Variants in NCAM2 observed in about 807,000 individuals in gnomAD.
The protein encoded by NCAM2 is N-CAM-2.
Under a neutral mutation model 98.1 loss-of-function variants are expected in NCAM2, and 30 were observed. The ratio of observed to expected loss-of-function variants is 0.31; its 90% CI spans 0.23 to 0.41. The LOEUF is 0.41. NCAM2 is among the 10% of genes least tolerant of loss of function. The pLI is 1.00. For synonymous variants in NCAM2, 368 were observed against 342.4 expected, an observed-to-expected ratio of 1.07 and a Z score of -0.83; for missense variants, 867 against 1,005.8, an observed-to-expected ratio of 0.86 and a Z score of 1.87.
chr21:21,311,288 G>A (rs182526348), intron 5 of NCAM2, among the ~76,000 whole-genome samples: 28 of 150,712 alleles, frequency 1.9e-4, no homozygotes, highest in Non-Finnish European at 2.5e-4. Context: ...ATGAATGAAC[G>A]AATAACAAAA....
At chr21:21,382,169 T>G (rs561848146) in intron 9 of NCAM2, among the ~76,000 whole-genome samples, 2 of 152,288 alleles carry the variant, frequency 1.3e-5, no homozygotes, top group Admixed American at 6.5e-5. Flanking sequence ...GTCTAAGTAT[T>G]GTTTTCTTTG....
chr21:21,275,236 T>G (rs900209317), intron 1 of NCAM2, among the ~76,000 whole-genome samples: 1 of 151,712 alleles, frequency 6.6e-6, no homozygotes, highest in East Asian at 1.9e-4. Context: ...GTCAGGAGAT[T>G]GAGACCATCC....
intron 1 of NCAM2, among the ~76,000 whole-genome samples, chr21:21,183,406 A>G (rs2068541052): frequency 6.6e-6 from 1 of 152,144 alleles, no homozygotes; most frequent in Admixed American, 6.6e-5. Flanking sequence ...AGAAACAAGC[A>G]GATCTGTCTT....
rs371793861 is a variant in NCAM2, at chr21:21,292,160, G to T, written c.538G>T (p.Asp180Tyr). 130 of 1,611,042 alleles carry T rather than the reference G, an allele frequency of 8.1e-5. No individual in the cohort carries two copies. The African/African-American group carries it at 1.5e-3, about 19-fold the overall frequency. Residue 180 changes from aspartate to tyrosine, a missense_variant, in exon 5 of 18, where the codon GAT becomes TAT. Coordinates refer to ENST00000400546, the MANE Select transcript of NCAM2 (RefSeq NM_004540.5). ...NLQILNINKS[D>Y]EGIYRCEGRV... ...GCAGATTCTCAACATCAATAAAAGTGATGAAGGTATATACAGATGTGAAGG... is the reference window on the plus strand; with the variant it reads ...GCAGATTCTCAACATCAATAAAAGTTATGAAGGTATATACAGATGTGAAGG...
chr21:21,313,665 T>C (rs2074126902), intron 5 of NCAM2, among the ~76,000 whole-genome samples: 1 of 152,044 alleles, frequency 6.6e-6, no homozygotes, highest in Admixed American at 6.6e-5. Flanking sequence ...GTGTTTTTAT[T>C]CATGAAATTA....
chr21:21,161,561 TTGTG>T (rs35510967), intron 1 of NCAM2, among the ~76,000 whole-genome samples: 21 of 149,428 alleles, frequency 1.4e-4, no homozygotes, highest in African/African-American at 3.9e-4. Context: ...GTGCTCTCAT[TTGTG>T]TGTGTGTGTG....
At chr21:21,515,875 C>T (rs149911502) in intron 16 of NCAM2, among the ~76,000 whole-genome samples, 2 of 152,014 alleles carry the variant, frequency 1.3e-5, no homozygotes, top group African/African-American at 2.4e-5. Context: ...CTGAAGAAGA[C>T]GGCAATTTTA....
intron 15 of NCAM2, among the ~76,000 whole-genome samples, chr21:21,479,898 C>T (rs1323454684): frequency 6.6e-6 from 1 of 151,988 alleles, no homozygotes; most frequent in Admixed American, 6.6e-5. Flanking sequence ...CCTTCTGGTT[C>T]TGCAATGTTA....
At chr21:21,162,809 T>C (rs1335131958) in intron 1 of NCAM2, among the ~76,000 whole-genome samples, 1 of 152,114 alleles carries the variant, frequency 6.6e-6, no homozygotes, top group Non-Finnish European at 1.5e-5. Context: ...TCATCGTTAT[T>C]TCTAAAAGTT....
At chr21:21,312,327 T>C (rs1317373828) in intron 5 of NCAM2, among the ~76,000 whole-genome samples, 1 of 151,390 alleles carries the variant, frequency 6.6e-6, no homozygotes, top group Admixed American at 6.6e-5. Context: ...ATGCTTAATA[T>C]AGTTAATATA....
intron 5 of NCAM2, among the ~76,000 whole-genome samples, chr21:21,300,739 G>A (rs528027524): frequency 6.7e-6 from 1 of 150,014 alleles, no homozygotes; most frequent in East Asian, 2.0e-4. Context: ...GTGCAAATAT[G>A]TGATTATCTC....
intron 1 of NCAM2, among the ~76,000 whole-genome samples, chr21:21,218,463 G>A (rs1185622288): frequency 6.6e-6 from 1 of 152,118 alleles, no homozygotes; most frequent in Non-Finnish European, 1.5e-5. Flanking sequence ...TCTGGAACTG[G>A]TGATTATATG....
chr21:21,092,751 A>G (rs946316230), intron 1 of NCAM2, among the ~76,000 whole-genome samples: 1 of 152,046 alleles, frequency 6.6e-6, no homozygotes, highest in African/African-American at 2.4e-5. Context: ...ACATAATTAC[A>G]TACCGTAGAC....
intron 4 of NCAM2, among the ~76,000 whole-genome samples, chr21:21,291,521 A>G (rs1481412826): frequency 6.6e-6 from 1 of 151,892 alleles, no homozygotes; most frequent in Non-Finnish European, 1.5e-5. Flanking sequence ...GAAATAAAAT[A>G]ACAAAATCTA....
intron 11 of NCAM2, among the ~76,000 whole-genome samples, chr21:21,429,077 G>T (rs1040393871): frequency 1.3e-5 from 2 of 152,140 alleles, no homozygotes; most frequent in African/African-American, 4.8e-5. Flanking sequence ...GAGAATGAAA[G>T]TCATAAGCAT....
chr21:21,445,194 G>C (rs116800392), intron 12 of NCAM2, among the ~76,000 whole-genome samples: 1 of 152,114 alleles, frequency 6.6e-6, no homozygotes, highest in African/African-American at 2.4e-5. Flanking sequence ...TGTGGCCTGA[G>C]AGGCTGTTCG....
chr21:21,007,814 A>G (rs552013525), intron 1 of NCAM2, among the ~76,000 whole-genome samples: 9 of 152,234 alleles, frequency 5.9e-5, no homozygotes, highest in East Asian at 1.9e-4. Context: ...CCAACCTCCT[A>G]TCTCATCCTG....
At chr21:21,480,073 A>G (rs1278125425) in intron 15 of NCAM2, among the ~76,000 whole-genome samples, 4 of 152,110 alleles carry the variant, frequency 2.6e-5, no homozygotes, top group African/African-American at 9.7e-5. Flanking sequence ...ATGAGTTAGA[A>G]TAACTGCAAC....
At chr21:21,011,347 A>G (rs909500400) in intron 1 of NCAM2, among the ~76,000 whole-genome samples, 4 of 152,074 alleles carry the variant, frequency 2.6e-5, no homozygotes, top group African/African-American at 4.8e-5. Context: ...TGATGGAAAC[A>G]TAGTCCCTTG....
Sources: gnomAD v4.1 joint callset for allele counts (sites outside exome capture counted in the v4.1 genomes callset) on GRCh38, gnomAD v4.1.1 for gene constraint, MANE v1.5 for transcripts, NCBI Gene and HGNC (gene_info 2026-07-23, HGNC 2026-07-21) for gene names.